The following ARFGAP3 variants were observed in gnomAD, a reference collection of about 807,000 sequenced individuals.
ARFGAP3 encodes ARF GTPase activating protein 3.
A neutral mutation model predicts 75.0 loss-of-function variants in ARFGAP3; 72 were observed. The observed-to-expected ratio is 0.96, with a 90% CI of 0.79 to 1.17. ARFGAP3 has a LOEUF of 1.17. Among genes scored for constraint, ARFGAP3 ranks in the 50% most tolerant of loss-of-function variants. ARFGAP3 has a pLI of 0.00. For synonymous variants in ARFGAP3, 221 were observed against 217.9 expected (o/e 1.01, Z -0.13); for missense variants, 620 against 626.6 (o/e 0.99, Z 0.11).
rs71329164 is a variant in ARFGAP3 at position 42,842,332 on chromosome 22, G to C, written c.189-1316C>G. On this transcript the variant is annotated intron_variant, in intron 2 of 15. Transcript: ENST00000263245. ...TTTTTTTTTTTTTTTTTTTTAAATA[G>C]AGATAGGGTCTTGTTATGTTGCCCA... 8.0e-3 allele frequency among the ~76,000 whole-genome samples: 1,059 copies of C among 132,042 alleles called. 29 individuals are homozygous for C. The highest frequency in any genetic ancestry group is 0.076 in the East Asian group (342 of 4,506). The allele number at this position is 132,042 out of a possible 152,430, so 86.6% of individuals were successfully genotyped here. A position where few individuals can be genotyped will look rare whatever the true frequency, so the allele number is the denominator to read the frequency against.
chr22:42,826,552 G>T (rs1429926318), intron 7 of ARFGAP3, among the ~76,000 whole-genome samples: 3 of 148,212 alleles, frequency 2.0e-5, no homozygotes, highest in Non-Finnish European at 4.4e-5. Flanking sequence ...GGTAATTTTT[G>T]TTGTTGTTGT....
chr22:42,848,163 T>C (rs1036258109), intron 1 of ARFGAP3, among the ~76,000 whole-genome samples: 1 of 151,388 alleles, frequency 6.6e-6, no homozygotes, highest in Non-Finnish European at 1.5e-5. Flanking sequence ...TGTGCCCAGT[T>C]TACTACATGA....
intron 11 of ARFGAP3, among the ~76,000 whole-genome samples, chr22:42,812,254 G>A (rs1925400062): frequency 6.9e-6 from 1 of 144,968 alleles, no homozygotes; most frequent in South Asian, 2.2e-4. Flanking sequence ...AAAAGGGACT[G>A]TGCCATGCCA....
chr22:42,826,596 C>T (rs917567644), intron 7 of ARFGAP3, among the ~76,000 whole-genome samples: 2 of 151,792 alleles, frequency 1.3e-5, no homozygotes, highest in African/African-American at 2.4e-5. Context: ...GCTAAGGTTT[C>T]GCTGTGTTGC....
intron 1 of ARFGAP3, among the ~76,000 whole-genome samples, chr22:42,854,412 G>C: frequency 6.6e-6 from 1 of 152,136 alleles, no homozygotes; most frequent in Non-Finnish European, 1.5e-5. Context: ...ATCACTTTAG[G>C]TCAGGAGTTT....
intron 9 of ARFGAP3, among the ~76,000 whole-genome samples, chr22:42,818,673 A>G (rs1407211262): frequency 1.3e-5 from 2 of 151,436 alleles, no homozygotes; most frequent in African/African-American, 4.8e-5. Flanking sequence ...AAAATGATCT[A>G]TCTAACTTAC....
At chr22:42,835,063 G>A (rs1399495703) in intron 4 of ARFGAP3, among the ~76,000 whole-genome samples, 2 of 152,170 alleles carry the variant, frequency 1.3e-5, no homozygotes, top group African/African-American at 4.8e-5. Context: ...TTAAAAAGGT[G>A]TCTTTAAATA....
At chr22:42,854,526 G>A (rs2146594772) in intron 1 of ARFGAP3, among the ~76,000 whole-genome samples, 1 of 152,230 alleles carries the variant, frequency 6.6e-6, no homozygotes, top group East Asian at 1.9e-4. Context: ...TCAGGAGGCT[G>A]ATGCAAGAGA....
At chr22:42,804,708 G>A (rs35298571) in intron 14 of ARFGAP3, among the ~76,000 whole-genome samples, 84 of 152,164 alleles carry the variant, frequency 5.5e-4, no homozygotes, top group Middle Eastern at 3.4e-3. Flanking sequence ...AAGGGATGGG[G>A]TTTCACCATG....
chr22:42,837,077 G>A (rs959919274), intron 3 of ARFGAP3, among the ~76,000 whole-genome samples: 4 of 152,178 alleles, frequency 2.6e-5, no homozygotes, highest in Admixed American at 6.5e-5. Context: ...ACCTTGGGAA[G>A]GCTTAGAAAT....
intron 2 of ARFGAP3, among the ~76,000 whole-genome samples, chr22:42,844,398 A>G (rs932024007): frequency 1.3e-5 from 2 of 152,198 alleles, no homozygotes. Flanking sequence ...CAGCCTGGCC[A>G]ACATGGTGAA....
At chr22:42,806,512 C>G (rs951971303) in intron 14 of ARFGAP3, among the ~76,000 whole-genome samples, 2 of 152,250 alleles carry the variant, frequency 1.3e-5, no homozygotes, top group African/African-American at 4.8e-5. Context: ...AAGCTGTGTT[C>G]TGTCTTCCCC....
intron 9 of ARFGAP3, among the ~76,000 whole-genome samples, chr22:42,818,830 T>TTTTTTTTTTTTTTTTTTTTTTA (rs1445843427): frequency 6.7e-6 from 1 of 148,740 alleles, no homozygotes; most frequent in Non-Finnish European, 1.5e-5. Flanking sequence ...TTCTGTTTTT[T>TTTTTTTTTTTTTTTTTTTTTTA]GAAATGGAGT....
intron 11 of ARFGAP3, among the ~76,000 whole-genome samples, chr22:42,813,751 G>A (rs973125346): frequency 2.0e-5 from 3 of 152,168 alleles, no homozygotes; most frequent in African/African-American, 7.2e-5. Context: ...TAAGAGGACC[G>A]ACAGACCACC....
intron 7 of ARFGAP3, among the ~76,000 whole-genome samples, chr22:42,824,218 G>T (rs958525534): frequency 4.5e-5 from 5 of 110,698 alleles, no homozygotes; most frequent in African/African-American, 1.4e-4. Context: ...GTCTTGCTAT[G>T]TTGCCCAGAC....
chr22:42,817,711 G>C lies in ARFGAP3; in HGVS notation c.941+18C>G, dbSNP rs758606194. 10 of 1,580,066 alleles carry C rather than the reference G, an allele frequency of 6.3e-6. No homozygotes were observed. In the African/African-American group the frequency reaches 1.1e-4, roughly 17 times the overall value. ...ACACTGTTTTAAATTCTAACTCCAAGAAAGCAGTCTCACATACCTTCTGCA... is the reference window on the plus strand; with the variant it reads ...ACACTGTTTTAAATTCTAACTCCAACAAAGCAGTCTCACATACCTTCTGCA... On this transcript the variant is annotated intron_variant, in intron 10 of 15. Coordinates refer to ENST00000263245, the MANE Select transcript of ARFGAP3 (RefSeq NM_014570.5).
At chr22:42,806,556 A>G (rs1014806824) in intron 14 of ARFGAP3, among the ~76,000 whole-genome samples, 6 of 152,198 alleles carry the variant, frequency 3.9e-5, no homozygotes, top group Admixed American at 1.3e-4. Context: ...ACATGTTTCT[A>G]TCTGCCTCTG....
intron 2 of ARFGAP3, among the ~76,000 whole-genome samples, chr22:42,845,657 A>G (rs1437484547): frequency 6.6e-6 from 1 of 152,186 alleles, no homozygotes; most frequent in African/African-American, 2.4e-5. Flanking sequence ...ATGAAGTTGA[A>G]CTCTTACCTG....
intron 3 of ARFGAP3, among the ~76,000 whole-genome samples, chr22:42,840,640 G>C (rs538835325): frequency 1.1e-3 from 172 of 151,546 alleles, no homozygotes; most frequent in Non-Finnish European, 1.9e-3. Flanking sequence ...TGTTGGCCAG[G>C]CTGGTCTCGA....
Sources: gnomAD v4.1 joint callset for allele counts (sites outside exome capture counted in the v4.1 genomes callset) on GRCh38, gnomAD v4.1.1 for gene constraint, MANE v1.5 for transcripts, NCBI Gene and HGNC (gene_info 2026-07-23, HGNC 2026-07-21) for gene names.